SHISA9: variants seen among roughly 807,000 people sequenced by gnomAD.
SHISA9 encodes the protein shisa family member 9, also known as protein shisa-9.
SHISA9 carries 13 observed loss-of-function variants against 38.0 expected under a neutral mutation model. The observed-to-expected ratio is 0.34, with a 90% confidence interval of 0.22 to 0.54. SHISA9 has a LOEUF of 0.54. Among genes scored for constraint, SHISA9 ranks in the 20% least tolerant of loss-of-function variants. The pLI, the probability that SHISA9 is intolerant of heterozygous loss-of-function variation, is 0.91. For missense variants in SHISA9, 538 were observed against 575.8 expected (o/e 0.93, Z 0.67); for synonymous variants, 275 against 242.0 (o/e 1.14, Z -1.27).
At chr16:13,542,498 T>C in the SHISA9 span, among the ~76,000 whole-genome samples, 1 of 152,264 alleles carries the variant, frequency 6.6e-6, no homozygotes, top group Admixed American at 6.5e-5. Context: ...CACAGCCCCC[T>C]AGAGGGCAGA....
chr16:13,177,207 G>A (rs973886127), intron 2 of SHISA9, among the ~76,000 whole-genome samples: 5 of 152,146 alleles, frequency 3.3e-5, no homozygotes, highest in Non-Finnish European at 7.4e-5. Context: ...CATATTAGCA[G>A]CTCACTTAAT....
intron 4 of SHISA9, among the ~76,000 whole-genome samples, chr16:13,226,215 A>G (rs2051277966): frequency 6.6e-6 from 1 of 152,228 alleles, no homozygotes; most frequent in South Asian, 2.1e-4. Context: ...TTATGAAAAC[A>G]GGTTTTCATG....
chr16:12,910,551 A>T, intron 1 of SHISA9: 1 of 985,402 alleles, frequency 1.0e-6, no homozygotes, highest in Non-Finnish European at 1.2e-6. Flanking sequence ...TTCTAGTACT[A>T]GCTTTCAGTA....
At chr16:13,273,951 C>T in the SHISA9 span, among the ~76,000 whole-genome samples, 1 of 152,034 alleles carries the variant, frequency 6.6e-6, no homozygotes, top group African/African-American at 2.4e-5. Context: ...CTGAAAATAC[C>T]ACTGTTGAAA....
chr16:13,230,212 ATTC>A (rs1200845497), intron 4 of SHISA9, among the ~76,000 whole-genome samples: 2 of 152,176 alleles, frequency 1.3e-5, no homozygotes, highest in African/African-American at 4.8e-5. Context: ...TCTGTTTCTG[ATTC>A]TTCTTCATAT....
the SHISA9 span, among the ~76,000 whole-genome samples, chr16:13,445,714 CA>C: frequency 6.6e-6 from 1 of 152,256 alleles, no homozygotes; most frequent in South Asian, 2.1e-4. Flanking sequence ...AATCTAGGGA[CA>C]ATATACTGAA....
the SHISA9 span, among the ~76,000 whole-genome samples, chr16:13,507,290 C>G: frequency 6.6e-6 from 1 of 151,954 alleles, no homozygotes; most frequent in Non-Finnish European, 1.5e-5. Context: ...TCCCAAATGG[C>G]GAGGAACAGA....
the SHISA9 span, among the ~76,000 whole-genome samples, chr16:13,508,107 G>A: frequency 6.6e-6 from 1 of 152,014 alleles, no homozygotes; most frequent in South Asian, 2.1e-4. Flanking sequence ...TAAATTCTCT[G>A]AGTCTTTGTT....
At position 13,146,874 on chromosome 16, in the gene SHISA9, T is replaced by C. The variant is rs181031930; in HGVS notation, c.692-56520T>C. On this transcript the variant is annotated intron_variant, in intron 2 of 4. Transcript: ENST00000558583. ...CAGATATAGATTATGGGACGAGGTT[T>C]CTGGAGAAAAGTCTGATTTCAGTCA... Among the ~76,000 whole-genome samples the C allele has an allele frequency of 3.9e-4, 60 of 152,316 alleles. 1 individual carries two copies. Among genetic ancestry groups the C allele is most frequent in the Middle Eastern group, 6.8e-3 (2 of 294 alleles).
At chr16:12,978,402 G>A (rs958861878) in intron 2 of SHISA9, among the ~76,000 whole-genome samples, 1 of 152,216 alleles carries the variant, frequency 6.6e-6, no homozygotes, top group Non-Finnish European at 1.5e-5. Context: ...GATGTTGATT[G>A]TAACTGATGT....
At chr16:13,496,513 G>T in the SHISA9 span, among the ~76,000 whole-genome samples, 1 of 151,580 alleles carries the variant, frequency 6.6e-6, no homozygotes, top group Admixed American at 6.6e-5. Flanking sequence ...ATAAGATAAG[G>T]AAACCACTAT....
At chr16:13,523,435 A>G in the SHISA9 span, among the ~76,000 whole-genome samples, 2 of 152,242 alleles carry the variant, frequency 1.3e-5, no homozygotes, top group Non-Finnish European at 2.9e-5. Flanking sequence ...TTGCATTGCT[A>G]CAAAGAAATA....
the SHISA9 span, among the ~76,000 whole-genome samples, chr16:13,472,681 AATG>A: frequency 6.6e-6 from 1 of 151,572 alleles, no homozygotes; most frequent in Non-Finnish European, 1.5e-5. Flanking sequence ...CGTGAGCCAC[AATG>A]CCCGGCCTCT....
At chr16:13,150,526 A>C (rs963350941) in intron 2 of SHISA9, among the ~76,000 whole-genome samples, 2 of 152,162 alleles carry the variant, frequency 1.3e-5, no homozygotes, top group African/African-American at 2.4e-5. Context: ...CAAGATAGTG[A>C]GATTATTCTA....
Position 12,920,352 on chromosome 16 carries a change from G to C in SHISA9, c.691+3537G>C, listed in dbSNP as rs565107429. The stretch of plus-strand genomic sequence containing the variant: ...TAAAAGAAATACAGTTTTTGTTTCT[G>C]AGTACTTTTAAAAATATTTACAGCA... On this transcript the variant is annotated intron_variant, in intron 2 of 4. Coordinates refer to ENST00000558583, the MANE Select transcript of SHISA9 (RefSeq NM_001145204.3). Among the ~76,000 whole-genome samples, 6 of 148,538 alleles carry C rather than the reference G, an allele frequency of 4.0e-5. No individual in the cohort carries two copies. The South Asian group carries it at 1.3e-3, about 31-fold the overall frequency.
the SHISA9 span, among the ~76,000 whole-genome samples, chr16:13,254,952 G>C: frequency 1.3e-5 from 2 of 152,314 alleles, no homozygotes; most frequent in African/African-American, 4.8e-5. Context: ...TGAGCAGCAG[G>C]AAAGTATCTG....
intron 2 of SHISA9, among the ~76,000 whole-genome samples, chr16:12,947,542 G>A (rs1160091828): frequency 5.9e-5 from 9 of 152,188 alleles, no homozygotes; most frequent in Admixed American, 5.9e-4. Context: ...CTCAGTCCTC[G>A]ATGTTGGTGA....
intron 2 of SHISA9, among the ~76,000 whole-genome samples, chr16:13,183,695 C>A (rs1201434581): frequency 6.6e-6 from 1 of 152,180 alleles, no homozygotes; most frequent in East Asian, 1.9e-4. Flanking sequence ...TTCATAACTA[C>A]CTATTCTCAT....
At chr16:13,137,855 T>G (rs890332154) in intron 2 of SHISA9, among the ~76,000 whole-genome samples, 1 of 152,324 alleles carries the variant, frequency 6.6e-6, no homozygotes, top group African/African-American at 2.4e-5. Flanking sequence ...TCCTATGGCT[T>G]TGTCCAGCTG....
Sources: allele counts gnomAD v4.1 joint callset (sites outside exome capture counted in the v4.1 genomes callset), GRCh38; gene constraint gnomAD v4.1.1; transcripts MANE v1.5; gene names NCBI Gene and HGNC (gene_info 2026-07-23, HGNC 2026-07-21).